PHLDB2: variants seen among roughly 807,000 people sequenced by gnomAD.
PHLDB2 encodes pleckstrin homology-like domain family B member 2.
PHLDB2 carries 71 observed loss-of-function variants against 123.6 expected under a neutral mutation model. The observed-to-expected ratio is 0.57, with a 90% CI of 0.47 to 0.70. The LOEUF (loss-of-function observed/expected upper bound fraction) is 0.70. Among genes scored for constraint, PHLDB2 ranks in the 30% least tolerant of loss-of-function variants. The pLI, the probability that PHLDB2 is intolerant of heterozygous loss-of-function variation, is 0.00. For synonymous variants in PHLDB2, 547 were observed against 541.6 expected (o/e 1.01, Z -0.14); for missense variants, 1,446 against 1,519.5 (o/e 0.95, Z 0.80).
intron 5 of PHLDB2, among the ~76,000 whole-genome samples, chr3:111,931,072 C>G (rs149130757): frequency 8.5e-5 from 13 of 152,240 alleles, no homozygotes; most frequent in African/African-American, 2.2e-4. Flanking sequence ...AGGATAATGT[C>G]ATAGGACTAT....
chr3:111,959,234 G>T (rs574018505), intron 12 of PHLDB2, among the ~76,000 whole-genome samples: 1 of 152,378 alleles, frequency 6.6e-6, no homozygotes, highest in South Asian at 2.1e-4. Context: ...TCAATTGCAG[G>T]ATCACAGGAG....
intron 1 of PHLDB2, among the ~76,000 whole-genome samples, chr3:111,771,267 A>C (rs181835663): frequency 3.9e-5 from 6 of 152,188 alleles, no homozygotes; most frequent in African/African-American, 1.4e-4. Context: ...AATCTCTTCT[A>C]TGCCTGTCTT....
intron 1 of PHLDB2, among the ~76,000 whole-genome samples, chr3:111,783,626 A>G (rs1158561682): frequency 6.6e-6 from 1 of 152,156 alleles, no homozygotes; most frequent in Non-Finnish European, 1.5e-5. Context: ...CAGGTTGAAG[A>G]TAAACATTAA....
At chr3:111,739,580 AAAAAAAACAAAACAAAC>A (rs1245758541) in intron 1 of PHLDB2, among the ~76,000 whole-genome samples, 3 of 77,918 alleles carry the variant, frequency 3.9e-5, no homozygotes, top group African/African-American at 9.8e-5. Flanking sequence ...AGTTAAAAAA[AAAAAAAACAAAACAAAC>A]AAAAAAAAAA....
At chr3:111,878,587 T>C (rs1022299226) in intron 1 of PHLDB2, among the ~76,000 whole-genome samples, 1 of 152,216 alleles carries the variant, frequency 6.6e-6, no homozygotes, top group African/African-American at 2.4e-5. Flanking sequence ...TCCAATACTA[T>C]GTTGAATAGG....
At chr3:111,845,133 T>C (rs1262262481) in intron 1 of PHLDB2, among the ~76,000 whole-genome samples, 7 of 151,882 alleles carry the variant, frequency 4.6e-5, no homozygotes, top group Non-Finnish European at 7.4e-5. Flanking sequence ...GGTGGGTGGA[T>C]TACAAGGTCA....
intron 1 of PHLDB2, chr3:111,883,850 TTC>T (rs1451907346): frequency 2.0e-6 from 1 of 495,978 alleles, no homozygotes; most frequent in African/African-American, 2.0e-5. Context: ...GTCCTTTTAT[TTC>T]TCTTTTGTAC....
chr3:111,823,649 A>C (rs571704182), intron 1 of PHLDB2, among the ~76,000 whole-genome samples: 1 of 152,336 alleles, frequency 6.6e-6, no homozygotes, highest in African/African-American at 2.4e-5. Flanking sequence ...CATATAGATA[A>C]ATTCACAGCA....
intron 11 of PHLDB2, 48 bp from the exon 12 acceptor site, chr3:111,953,882 C>G (rs765098624): frequency 1.4e-6 from 2 of 1,450,884 alleles, no homozygotes; most frequent in Non-Finnish European, 1.9e-6. Flanking sequence ...TCCTAAAGGT[C>G]CATTCAGCCT....
Position 111,885,422 on chromosome 3 carries a change from A to G in PHLDB2, c.1335+10A>G. On this transcript the variant is annotated intron_variant, in intron 2 of 17. Coordinates refer to ENST00000431670, the MANE Select transcript of PHLDB2 (RefSeq NM_001134438.2). ...GGAAATGGAGCGATTGGTAATCTTCATCTCAACAGTGATTGACCTCACTGT... is the reference window on the plus strand; with the variant it reads ...GGAAATGGAGCGATTGGTAATCTTCGTCTCAACAGTGATTGACCTCACTGT... The G allele has an allele frequency of 6.2e-7, 1 of 1,613,956 alleles. No homozygotes were observed. The highest frequency in any genetic ancestry group is 8.5e-7 in the Non-Finnish European group (1 of 1,180,026).
At chr3:111,800,072 A>T (rs533149594) in intron 1 of PHLDB2, among the ~76,000 whole-genome samples, 1 of 152,230 alleles carries the variant, frequency 6.6e-6, no homozygotes, top group South Asian at 2.1e-4. Flanking sequence ...TGGCACAATC[A>T]CGGCTCACTG....
intron 1 of PHLDB2, among the ~76,000 whole-genome samples, chr3:111,792,285 G>GTA (rs112205042): frequency 0.026 from 3,956 of 152,192 alleles, 71 homozygotes; most frequent in South Asian, 0.063. Flanking sequence ...ATTCTGATAT[G>GTA]TATATATATC....
At chr3:111,941,106 G>A (rs2069849671) in intron 8 of PHLDB2, among the ~76,000 whole-genome samples, 1 of 152,160 alleles carries the variant, frequency 6.6e-6, no homozygotes, top group Admixed American at 6.5e-5. Context: ...ATTGCATTTA[G>A]TTTGAATTAA....
chr3:111,819,121 A>G (rs901489576), intron 1 of PHLDB2, among the ~76,000 whole-genome samples: 1 of 152,228 alleles, frequency 6.6e-6, no homozygotes, highest in East Asian at 1.9e-4. Flanking sequence ...ATGTGTGTGC[A>G]AGTTCTCAGG....
intron 1 of PHLDB2, among the ~76,000 whole-genome samples, chr3:111,831,054 A>C (rs1320077331): frequency 6.8e-6 from 1 of 147,296 alleles, no homozygotes; most frequent in Admixed American, 6.9e-5. Context: ...AGAAAGAGAA[A>C]AGAGAGAGAT....
chr3:111,838,681 CAG>C (rs2063530906), intron 1 of PHLDB2, among the ~76,000 whole-genome samples: 1 of 152,046 alleles, frequency 6.6e-6, no homozygotes, highest in Non-Finnish European at 1.5e-5. Flanking sequence ...AACTTTGAGG[CAG>C]AGTCAGATTA....
rs3082317 is a variant in PHLDB2 at position 111,839,940 on chromosome 3, C to CTTTTTTTTTTTTTTT, written c.-48-5871_-48-5857dup. ...TTTGTTTAAAAGCCCCCCACCCCCG[C>CTTTTTTTTTTTTTTT]TTTTTTTTTTTTTTTTTTTTTTTTG... On this transcript the variant is annotated intron_variant, in intron 1 of 17. Coordinates refer to the PHLDB2 transcript ENST00000393923. Among the ~76,000 whole-genome samples, 55 of 64,940 alleles carry CTTTTTTTTTTTTTTT rather than the reference C, an allele frequency of 8.5e-4. 4 individuals are homozygous for CTTTTTTTTTTTTTTT. Among genetic ancestry groups the CTTTTTTTTTTTTTTT allele is most frequent in the East Asian group, 1.0e-3 (2 of 1,970 alleles). 42.6% of individuals were successfully genotyped at this position (64,940 alleles called of 152,430 possible).
At chr3:111,845,639 C>A (rs1559864618) in intron 1 of PHLDB2, among the ~76,000 whole-genome samples, 1 of 152,046 alleles carries the variant, frequency 6.6e-6, no homozygotes, top group East Asian at 1.9e-4. Flanking sequence ...TGTTGTTTTA[C>A]AGGGAAGATA....
At chr3:111,941,534 C>T (rs1448933402) in intron 8 of PHLDB2, among the ~76,000 whole-genome samples, 1 of 152,156 alleles carries the variant, frequency 6.6e-6, no homozygotes, top group South Asian at 2.1e-4. Context: ...AGGCCTGACA[C>T]CATGGCTCAT....
Sources: allele counts gnomAD v4.1 joint callset (sites outside exome capture counted in the v4.1 genomes callset), GRCh38; gene constraint gnomAD v4.1.1; transcripts MANE v1.5; gene names NCBI Gene and HGNC (gene_info 2026-07-23, HGNC 2026-07-21).